The following MCFD2 variants were observed in gnomAD, a reference collection of about 807,000 sequenced individuals.
MCFD2 encodes multiple coagulation factor deficiency protein 2.
Under a neutral mutation model 12.8 loss-of-function variants are expected in MCFD2, and 11 were observed. The observed-to-expected ratio is 0.86, with a 90% CI of 0.54 to 1.42. The LOEUF is 1.42. Among genes scored for constraint, MCFD2 ranks in the 40% most tolerant of loss-of-function variants. MCFD2 has a pLI of 0.00. For missense variants in MCFD2, 191 were observed against 178.6 expected (o/e 1.07, Z -0.40); for synonymous variants, 70 against 68.1 (o/e 1.03, Z -0.14).
intron 1 of MCFD2, chr2:46,914,248 C>G (rs1668602459): frequency 6.6e-6 from 1 of 152,302 alleles, no homozygotes; most frequent in African/African-American, 2.4e-5. Context: ...TCAGTCCTAT[C>G]AGCACTAAGT....
In MCFD2 at chr2:46,940,828, C is replaced by T. The variant is rs551810169; in HGVS notation, c.-8+744G>A. Among the ~76,000 whole-genome samples the T allele has an allele frequency of 2.0e-4, 30 of 152,226 alleles. No homozygotes were observed. In the East Asian group the frequency reaches 5.7e-3, roughly 29 times the overall value. Reference sequence around the variant, plus strand: ...GCGGCAGGCCAGCTCCCGGGAGGCTCGCCGTCGGGGTTGGGGCCTGTCGGC... The same window carrying T: ...GCGGCAGGCCAGCTCCCGGGAGGCTTGCCGTCGGGGTTGGGGCCTGTCGGC... On this transcript the variant is annotated intron_variant, in intron 1 of 2. Transcript: ENST00000409147. The surrounding 1 kb of genome is among the most constrained non-coding windows in gnomAD (Gnocchi z 4.7).
chr2:46,925,894 C>G (rs1669358694), intron 1 of MCFD2, among the ~76,000 whole-genome samples: 1 of 152,200 alleles, frequency 6.6e-6, no homozygotes, highest in Non-Finnish European at 1.5e-5. Flanking sequence ...AACCATTCTG[C>G]CTTGAGTTCT....
At chr2:46,921,871 T>C (rs1031058543) in intron 1 of MCFD2, among the ~76,000 whole-genome samples, 10 of 151,014 alleles carry the variant, frequency 6.6e-5, no homozygotes, top group Non-Finnish European at 1.5e-4. Context: ...ACCGCTGATC[T>C]GACACTGACA....
chr2:46,931,000 G>GT (rs1669672498), intron 1 of MCFD2, among the ~76,000 whole-genome samples: 1 of 149,580 alleles, frequency 6.7e-6, no homozygotes, highest in Non-Finnish European at 1.5e-5. Context: ...AAATTTAGCC[G>GT]TATCTCATGG....
chr2:46,926,913 A>C (rs1445252785), intron 1 of MCFD2, among the ~76,000 whole-genome samples: 1 of 152,258 alleles, frequency 6.6e-6, no homozygotes, highest in African/African-American at 2.4e-5. Flanking sequence ...AAAAGCTACA[A>C]AAAGTAACAA....
At chr2:46,932,837 G>C (rs935600111) in intron 1 of MCFD2, among the ~76,000 whole-genome samples, 4 of 148,562 alleles carry the variant, frequency 2.7e-5, no homozygotes, top group Admixed American at 1.4e-4. Context: ...GGAGGCAGAG[G>C]TTGCAGCAAG....
chr2:46,916,153 C>T, upstream of MCFD2: 2 of 985,554 alleles, frequency 2.0e-6, no homozygotes, highest in Non-Finnish European at 2.4e-6. Context: ...ACTCCGCTCA[C>T]CCCCTCCTAT....
rs1161688299 is a variant in MCFD2, at chr2:46,902,043, AAGAAAATAAGTCTGTAT to A, written c.*3403_*3419del. ...TATGTTTTCTTATAATACTGTAATA[AAGAAAATAAGTCTGTAT>A]ACATCCTACGACAAATTTTGTAGTC... On this transcript the variant is annotated 3_prime_UTR_variant, in exon 4 of 4. Transcript: ENST00000319466. 6.6e-6 allele frequency: 1 copy of A among 152,670 alleles called. No homozygotes were observed. The highest frequency in any genetic ancestry group is 1.9e-4 in the East Asian group (1 of 5,202). 9.5% of individuals were successfully genotyped at this position (152,670 alleles called of 1,614,324 possible). A position where few individuals can be genotyped will look rare whatever the true frequency, so the allele number is the denominator to read the frequency against.
intron 1 of MCFD2, among the ~76,000 whole-genome samples, chr2:46,927,355 ATTT>A (rs60808815): frequency 5.3e-5 from 7 of 132,854 alleles, no homozygotes; most frequent in Admixed American, 7.6e-5. Flanking sequence ...AGAAAAAAAG[ATTT>A]TTTTTTTTTT....
At chr2:46,916,898 G>C (rs972231374), upstream of MCFD2, among the ~76,000 whole-genome samples, 17 of 152,066 alleles carry the variant, frequency 1.1e-4, no homozygotes, top group Non-Finnish European at 2.1e-4. Flanking sequence ...CTCCCAAAGT[G>C]CTGGGATTAC....
chr2:46,920,487 G>A (rs141311743), upstream of MCFD2, among the ~76,000 whole-genome samples: 538 of 151,766 alleles, frequency 3.5e-3, 5 homozygotes, highest in African/African-American at 0.012. Flanking sequence ...CAACCACCAC[G>A]CCCAGCTAAT....
chr2:46,919,270 C>T (rs547396061), upstream of MCFD2, among the ~76,000 whole-genome samples: 10 of 152,350 alleles, frequency 6.6e-5, no homozygotes, highest in Admixed American at 3.3e-4. Flanking sequence ...TGTGGTGGCT[C>T]ACGCCTGTAA....
intron 1 of MCFD2, among the ~76,000 whole-genome samples, chr2:46,923,404 A>C (rs946051848): frequency 2.0e-5 from 3 of 152,218 alleles, no homozygotes; most frequent in African/African-American, 7.2e-5. Context: ...TTAGCTTACA[A>C]GAAGACATCA....
upstream of MCFD2, chr2:46,916,025 C>G (rs1668766454): frequency 1.0e-6 from 1 of 985,346 alleles, no homozygotes; most frequent in African/African-American, 1.7e-5. Flanking sequence ...AGTTGGGCCG[C>G]TGGACGCCCT....
chr2:46,915,807 CCCCG>C (rs886056123), upstream of MCFD2: 3 of 84,836 alleles, frequency 3.5e-5, no homozygotes, highest in East Asian at 2.3e-3. Context: ...CTCGGCTTCG[CCCCG>C]CCCCCCCCCC....
At chr2:46,921,796 A>G (rs1431601212) in intron 1 of MCFD2, among the ~76,000 whole-genome samples, 6 of 152,090 alleles carry the variant, frequency 3.9e-5, no homozygotes, top group African/African-American at 7.2e-5. Context: ...GGAGTGTGCA[A>G]CCTAGATCCC....
intron 1 of MCFD2, among the ~76,000 whole-genome samples, chr2:46,927,552 G>C (rs1258502039): frequency 1.3e-5 from 2 of 151,846 alleles, no homozygotes; most frequent in East Asian, 1.9e-4. Context: ...AGTGGAGACA[G>C]GGTTTCACCG....
At chr2:46,931,322 G>A (rs1226952269) in intron 1 of MCFD2, among the ~76,000 whole-genome samples, 1 of 152,232 alleles carries the variant, frequency 6.6e-6, no homozygotes. Context: ...CTGGCCTCAA[G>A]CAATCCTCTC....
In MCFD2 at chr2:46,934,859, G is replaced by A. The variant is rs1669896772; in HGVS notation, c.-8+6713C>T. Among the ~76,000 whole-genome samples the A allele has an allele frequency of 3.1e-5, 4 of 127,918 alleles. No individual in the cohort carries two copies. In the South Asian group the frequency reaches 7.8e-4, roughly 25 times the overall value. 83.9% of individuals were successfully genotyped at this position (127,918 alleles called of 152,430 possible). A position where few individuals can be genotyped will look rare whatever the true frequency, so the allele number is the denominator to read the frequency against. ...CTCTGTCGCCAGGCTGGAGTGCAGT[G>A]GCATGATCTGGGCTCACTGCAACCT... On this transcript the variant is annotated intron_variant, in intron 1 of 2. Coordinates refer to the MCFD2 transcript ENST00000409147.
Sources: allele counts gnomAD v4.1 joint callset (sites outside exome capture counted in the v4.1 genomes callset), GRCh38; gene constraint gnomAD v4.1.1; non-coding constraint Gnocchi (gnomAD v3.1); transcripts MANE v1.5; gene names NCBI Gene and HGNC (gene_info 2026-07-23, HGNC 2026-07-21).